Variants in NOC3L observed in about 807,000 individuals in gnomAD.
NOC3L encodes the protein NOC3 like DNA replication regulator.
NOC3L carries 85 observed loss-of-function variants against 102.5 expected under a neutral mutation model. The ratio of observed to expected loss-of-function variants is 0.83; its 90% CI spans 0.70 to 0.99. The LOEUF is 0.99. Among genes scored for constraint, NOC3L ranks in the 50% least tolerant of loss-of-function variants. The pLI is 0.00. For missense variants in NOC3L, 878 were observed against 914.9 expected, an observed-to-expected ratio of 0.96 and a Z score of 0.52; for synonymous variants, 303 against 309.4, an observed-to-expected ratio of 0.98 and a Z score of 0.22.
In NOC3L at chr10:94,362,823, CACTT is replaced by C; in HGVS notation, c.9+3_9+6del. The C allele has an allele frequency of 1.2e-6, 2 of 1,614,084 alleles. No homozygotes were observed. The highest frequency in any genetic ancestry group is 1.7e-6 in the Non-Finnish European group (2 of 1,180,042). On this transcript the variant is annotated splice_donor_5th_base_variant and intron_variant, in intron 1 of 20. Coordinates refer to ENST00000371361, the MANE Select transcript of NOC3L (RefSeq NM_022451.11). The stretch of plus-strand genomic sequence containing the variant: ...GCCGCGGCGACCGGGCTTTTGAGGA[CACTT>C]ACCGCCTTCATCCTTAGGCCTTAAA...
At chr10:94,349,461 A>AGG in intron 9 of NOC3L, 83 bp from the exon 10 acceptor site, 1 of 1,272,454 alleles carries the variant, frequency 7.9e-7, no homozygotes, top group Non-Finnish European at 1.1e-6. Context: ...TCTTTGTTGT[A>AGG]GGGGGACTGT....
At chr10:94,328,207 G>C in the NOC3L span, 3 of 311,548 alleles carry the variant, frequency 9.6e-6, no homozygotes, top group Non-Finnish European at 1.3e-5. Context: ...GTCACGAATT[G>C]ACTTAGAGCA....
the NOC3L span, among the ~76,000 whole-genome samples, chr10:94,318,568 GTTC>G: frequency 6.6e-6 from 1 of 152,148 alleles, no homozygotes; most frequent in Non-Finnish European, 1.5e-5. Flanking sequence ...CCAGGTCAGT[GTTC>G]TTTCCACCAT....
chr10:94,350,965 T>C (rs1192214393), intron 8 of NOC3L, among the ~76,000 whole-genome samples: 1 of 152,088 alleles, frequency 6.6e-6, no homozygotes, highest in African/African-American at 2.4e-5. Flanking sequence ...ATTTATTACA[T>C]GTTGAAATGA....
the NOC3L span, chr10:94,316,763 G>A: frequency 2.5e-6 from 4 of 1,595,222 alleles, no homozygotes; most frequent in Non-Finnish European, 3.4e-6. Flanking sequence ...GGAAGTAAGT[G>A]TGTCTGGGTG....
Position 94,346,437 on chromosome 10 carries a change from T to G in NOC3L, c.1377A>C (p.Arg459Ser). 6.7e-7 allele frequency: 1 copy of G among 1,503,008 alleles called. No individual in the cohort carries two copies. Among genetic ancestry groups the G allele is most frequent in the Non-Finnish European group, 8.9e-7 (1 of 1,125,076 alleles). 93.1% of individuals were successfully genotyped at this position (1,503,008 alleles called of 1,614,324 possible). A position where few individuals can be genotyped will look rare whatever the true frequency, so the allele number is the denominator to read the frequency against. The change falls in exon 11 of 21, where the codon AGA becomes AGC. Residue 459 changes from arginine to serine, a missense_variant. Arg to Ser is a moderately radical substitution (Grantham distance 110). Coordinates refer to ENST00000371361, the MANE Select transcript of NOC3L (RefSeq NM_022451.11). ...TFKEKRKSLS[R>S]MQRKWKKAEE... ...AAATAAGTCAAACCTTTCTCTGCAT[T>G]CTTGATAGAGATTTTCTCTTTTCTT...
intron 16 of NOC3L, 27 bp downstream of exon 16, chr10:94,340,249 A>T: frequency 6.4e-7 from 1 of 1,558,238 alleles, no homozygotes; most frequent in Non-Finnish European, 8.8e-7. Flanking sequence ...AATACATATA[A>T]AAGAAACATT....
chr10:94,340,406 C>T, intron 15 of NOC3L, 27 bp downstream of exon 15: 1 of 1,508,282 alleles, frequency 6.6e-7, no homozygotes, highest in Non-Finnish European at 9.0e-7. Context: ...GTAAGGCAAA[C>T]AAAACTTGAT....
At chr10:94,353,440 T>C (rs764286373) in intron 6 of NOC3L, among the ~76,000 whole-genome samples, 3 of 152,152 alleles carry the variant, frequency 2.0e-5, no homozygotes, top group Non-Finnish European at 2.9e-5. Flanking sequence ...ACAGGAAAGA[T>C]AGGGGAGGTT....
At chr10:94,319,954 C>T in the NOC3L span, among the ~76,000 whole-genome samples, 2 of 141,184 alleles carry the variant, frequency 1.4e-5, no homozygotes, top group East Asian at 2.1e-4. Flanking sequence ...ACTGCAAATT[C>T]CGCCTCCCGG....
the NOC3L span, chr10:94,325,000 A>C: frequency 6.2e-7 from 1 of 1,614,120 alleles, no homozygotes; most frequent in Middle Eastern, 1.6e-4. Context: ...TCAGCTCTTG[A>C]CCTCAGAAAG....
chr10:94,324,408 T>C, the NOC3L span: 31 of 1,614,070 alleles, frequency 1.9e-5, no homozygotes, highest in Non-Finnish European at 2.5e-5. Context: ...CAAGCGACTA[T>C]GTGCTTTTGG....
chr10:94,358,014 A>C (rs1426810655), intron 3 of NOC3L, 69 bp downstream of exon 3: 2 of 941,254 alleles, frequency 2.1e-6, no homozygotes, highest in Non-Finnish European at 3.5e-6. Context: ...GAACCACCTA[A>C]GTGAAATTCA....
the NOC3L span, chr10:94,316,777 C>A: frequency 1.2e-5 from 19 of 1,543,898 alleles, no homozygotes; most frequent in Non-Finnish European, 1.7e-5. Context: ...CTGGGTGCAG[C>A]CTACACAGTA....
the NOC3L span, chr10:94,316,593 T>C: frequency 6.2e-7 from 1 of 1,609,882 alleles, no homozygotes; most frequent in South Asian, 1.1e-5. Flanking sequence ...ACAGACTATT[T>C]TTTGATGGAA....
chr10:94,362,162 C>A (rs1254360790), intron 1 of NOC3L, among the ~76,000 whole-genome samples: 2 of 152,222 alleles, frequency 1.3e-5, no homozygotes, highest in Non-Finnish European at 2.9e-5. Flanking sequence ...GCTAGTTTAA[C>A]ACACCTGTAG....
At chr10:94,344,665 A>C (rs1394461335) in intron 12 of NOC3L, 150 bp from the exon 13 acceptor site, 1 of 683,012 alleles carries the variant, frequency 1.5e-6, no homozygotes. Context: ...AACAGAATGA[A>C]GATATACACC....
chr10:94,315,274 CT>C, the NOC3L span: 2 of 376,482 alleles, frequency 5.3e-6, no homozygotes, highest in Non-Finnish European at 1.0e-5. Context: ...GCTTTTCCTC[CT>C]GGTGAGATGT....
chr10:94,359,122 C>T (rs1235962227), intron 2 of NOC3L, among the ~76,000 whole-genome samples: 1 of 152,042 alleles, frequency 6.6e-6, no homozygotes, highest in African/African-American at 2.4e-5. Flanking sequence ...TCTTCCTGAC[C>T]CATTAAAACT....
Sources: gnomAD v4.1 joint callset for allele counts (sites outside exome capture counted in the v4.1 genomes callset) on GRCh38, gnomAD v4.1.1 for gene constraint, MANE v1.5 for transcripts, NCBI Gene and HGNC (gene_info 2026-07-23, HGNC 2026-07-21) for gene names.